Variants in EPB41L4A observed in about 807,000 individuals in gnomAD.
The protein encoded by EPB41L4A is band 4.1-like protein 4A.
EPB41L4A carries 100 observed loss-of-function variants against 108.6 expected under a neutral mutation model. The observed-to-expected ratio is 0.92, with a 90% CI of 0.78 to 1.09. The LOEUF (loss-of-function observed/expected upper bound fraction) is 1.09. Among genes scored for constraint, EPB41L4A ranks in the 50% least tolerant of loss-of-function variants. EPB41L4A has a pLI of 0.00. For missense variants in EPB41L4A, 1,030 were observed against 842.7 expected, an observed-to-expected ratio of 1.22 and a Z score of -2.75; for synonymous variants, 319 against 289.0, an observed-to-expected ratio of 1.10 and a Z score of -1.05.
intron 1 of EPB41L4A, chr5:112,363,781 A>G (rs1412361004): frequency 6.6e-6 from 1 of 152,236 alleles, no homozygotes; most frequent in East Asian, 1.9e-4. Context: ...AACCAGTTAC[A>G]TAACACAGCT....
intron 12 of EPB41L4A, among the ~76,000 whole-genome samples, chr5:112,220,462 T>C (rs1747968837): frequency 2.0e-5 from 3 of 152,202 alleles, no homozygotes; most frequent in Non-Finnish European, 4.4e-5. Flanking sequence ...AAGGGCTCTT[T>C]TCTTTTGCAA....
intron 18 of EPB41L4A, among the ~76,000 whole-genome samples, chr5:112,176,597 A>C (rs1760875332): frequency 6.6e-6 from 1 of 152,018 alleles, no homozygotes; most frequent in Non-Finnish European, 1.5e-5. Context: ...TACTTCCAAA[A>C]TGTATATTCA....
chr5:112,358,796 C>T (rs1364235664), intron 1 of EPB41L4A, among the ~76,000 whole-genome samples: 1 of 152,126 alleles, frequency 6.6e-6, no homozygotes, highest in African/African-American at 2.4e-5. Context: ...TAAATACTGT[C>T]CACTGACAGT....
chr5:112,208,590 G>T (rs996089204), intron 13 of EPB41L4A, among the ~76,000 whole-genome samples: 1 of 152,110 alleles, frequency 6.6e-6, no homozygotes, highest in Non-Finnish European at 1.5e-5. Context: ...AGGAGAGGGG[G>T]CAAGGGTTGA....
chr5:112,188,517 C>T (rs970865337), intron 17 of EPB41L4A, among the ~76,000 whole-genome samples: 3 of 152,154 alleles, frequency 2.0e-5, no homozygotes, highest in Non-Finnish European at 2.9e-5. Flanking sequence ...TCAGTTGCTG[C>T]GGCTTTGTCC....
At chr5:112,319,463 T>A (rs1219774238) in intron 1 of EPB41L4A, among the ~76,000 whole-genome samples, 1 of 152,156 alleles carries the variant, frequency 6.6e-6, no homozygotes, top group Non-Finnish European at 1.5e-5. Flanking sequence ...TCAAGAATCA[T>A]CAGTGGATGC....
At chr5:112,314,538 A>G (rs867981660) in intron 1 of EPB41L4A, among the ~76,000 whole-genome samples, 29 of 111,326 alleles carry the variant, frequency 2.6e-4, no homozygotes, top group African/African-American at 1.0e-3. Context: ...AAAAAAAAAA[A>G]GAAAAGAAAT....
intron 4 of EPB41L4A, among the ~76,000 whole-genome samples, chr5:112,268,632 T>C (rs1752038257): frequency 6.6e-6 from 1 of 151,912 alleles, no homozygotes; most frequent in African/African-American, 2.4e-5. Flanking sequence ...AGAGGATTGC[T>C]TGAGGCCAAG....
chr5:112,161,203 C>T (rs1759877645), downstream of EPB41L4A: 2 of 265,370 alleles, frequency 7.5e-6, no homozygotes, highest in African/African-American at 2.3e-5. Flanking sequence ...TTATGCTTGC[C>T]CTGCCCCCGT....
At chr5:112,350,941 G>C in intron 1 of EPB41L4A, among the ~76,000 whole-genome samples, 1 of 152,176 alleles carries the variant, frequency 6.6e-6, no homozygotes, top group East Asian at 1.9e-4. Flanking sequence ...TAAACAGAGA[G>C]ATACACATAT....
chr5:112,180,843 A>G (rs2150228397), intron 18 of EPB41L4A, among the ~76,000 whole-genome samples: 1 of 152,336 alleles, frequency 6.6e-6, no homozygotes, highest in Middle Eastern at 3.4e-3. Context: ...ATACATAAAT[A>G]ACCTACAAAT....
At chr5:112,173,097 G>A (rs1359351849) in intron 18 of EPB41L4A, among the ~76,000 whole-genome samples, 2 of 152,234 alleles carry the variant, frequency 1.3e-5, no homozygotes, top group African/African-American at 4.8e-5. Context: ...GGAATTAAGT[G>A]GCTATGGTTG....
chr5:112,321,217 C>A (rs1281982680), intron 1 of EPB41L4A, among the ~76,000 whole-genome samples: 1 of 152,176 alleles, frequency 6.6e-6, no homozygotes, highest in Non-Finnish European at 1.5e-5. Context: ...CAGATCAGGA[C>A]TGGAAGACCA....
chr5:112,336,762 A>G (rs1218749222), intron 1 of EPB41L4A, among the ~76,000 whole-genome samples: 1 of 152,230 alleles, frequency 6.6e-6, no homozygotes, highest in Non-Finnish European at 1.5e-5. Context: ...GAAGATTTTT[A>G]GCTGCAGAAA....
intron 1 of EPB41L4A, among the ~76,000 whole-genome samples, chr5:112,342,735 C>A (rs1257473842): frequency 6.6e-6 from 1 of 152,180 alleles, no homozygotes; most frequent in Non-Finnish European, 1.5e-5. Context: ...ACCACTGAGA[C>A]TCTCGTAGGT....
intron 1 of EPB41L4A, among the ~76,000 whole-genome samples, chr5:112,394,875 T>C (rs1761224381): frequency 6.6e-6 from 1 of 152,218 alleles, no homozygotes; most frequent in Non-Finnish European, 1.5e-5. Context: ...CAAAACAGCA[T>C]GGTGCTGGTA....
Position 112,165,089 on chromosome 5 carries a change from C to G in EPB41L4A, c.1962G>C (p.Met654Ile), listed in dbSNP as rs1276822457. Residue 654 changes from methionine (M) to isoleucine (I), a missense_variant, in exon 23 of 23, where the codon ATG becomes ATC. Met to Ile is a conservative substitution (Grantham distance 10). Coordinates refer to ENST00000261486, the MANE Select transcript of EPB41L4A (RefSeq NM_022140.5). The stretch of plus-strand genomic sequence containing the variant: ...TTGTAGATGTCTGAGGTTTTTCTTC[C>G]ATCAGGCTATCTTTAGACCCATTTC... ...QRRNGSKDSL[M>I]EEKPQTSTNN... 6 of 1,600,526 alleles carry G rather than the reference C, an allele frequency of 3.7e-6. No homozygotes were observed. The highest frequency in any genetic ancestry group is 4.3e-6 in the Non-Finnish European group (5 of 1,175,600).
chr5:112,335,377 G>A (rs1756851350), intron 1 of EPB41L4A, among the ~76,000 whole-genome samples: 1 of 152,190 alleles, frequency 6.6e-6, no homozygotes, highest in Non-Finnish European at 1.5e-5. Flanking sequence ...TAATGTAGAT[G>A]TATAAGCAGA....
chr5:112,355,720 C>CCCCCAG (rs1358181457), intron 1 of EPB41L4A, among the ~76,000 whole-genome samples: 3 of 152,178 alleles, frequency 2.0e-5, no homozygotes, highest in Non-Finnish European at 4.4e-5. Flanking sequence ...CCTCAGTGAT[C>CCCCCAG]CCCCAGGGAT....
Sources: gnomAD v4.1 joint callset for allele counts (sites outside exome capture counted in the v4.1 genomes callset) on GRCh38, gnomAD v4.1.1 for gene constraint, MANE v1.5 for transcripts, NCBI Gene and HGNC (gene_info 2026-07-23, HGNC 2026-07-21) for gene names.